Variants in C11orf65 observed in about 807,000 individuals in gnomAD.
C11orf65 encodes the protein protein MFI.
In C11orf65, 38 loss-of-function variants were observed where a neutral mutation model predicts 35.3. That is an observed-to-expected ratio of 1.08 (90% CI 0.83 to 1.41). The LOEUF (loss-of-function observed/expected upper bound fraction) is 1.41. Among genes scored for constraint, C11orf65 ranks in the 40% most tolerant of loss-of-function variants. C11orf65 has a pLI of 0.00. For missense variants in C11orf65, 370 were observed against 367.1 expected, an observed-to-expected ratio of 1.01 and a Z score of -0.06; for synonymous variants, 105 against 114.4, an observed-to-expected ratio of 0.92 and a Z score of 0.53.
intron 2 of C11orf65, among the ~76,000 whole-genome samples, chr11:108,454,414 T>G (rs917907395): frequency 1.3e-4 from 19 of 151,604 alleles, no homozygotes; most frequent in African/African-American, 4.6e-4. Context: ...TTCTCCTGCC[T>G]CAGCCTTCCG....
chr11:108,317,767 A>T (rs1338682320), intron 6 of C11orf65, among the ~76,000 whole-genome samples: 2 of 150,838 alleles, frequency 1.3e-5, no homozygotes, highest in Non-Finnish European at 3.0e-5. Flanking sequence ...AGATAGCCCT[A>T]AATCCTTCAG....
intron 3 of C11orf65, among the ~76,000 whole-genome samples, chr11:108,415,313 T>C (rs185843000): frequency 6.6e-6 from 1 of 152,222 alleles, no homozygotes; most frequent in African/African-American, 2.4e-5. Context: ...ATACCAGCAA[T>C]AAGCAACCAG....
chr11:108,467,753 T>A (rs2093557333), upstream of C11orf65, among the ~76,000 whole-genome samples: 1 of 152,156 alleles, frequency 6.6e-6, no homozygotes, highest in Admixed American at 6.5e-5. Context: ...GCTTAGTATA[T>A]AATAAAGCCC....
At chr11:108,431,670 G>T in intron 3 of C11orf65, 76 bp downstream of exon 3, 1 of 741,166 alleles carries the variant, frequency 1.3e-6, no homozygotes, top group Non-Finnish European at 2.0e-6. Context: ...CAAATATGAT[G>T]AGCACACTGA....
chr11:108,316,316 C>G (rs1024979882), intron 6 of C11orf65, among the ~76,000 whole-genome samples: 1 of 152,108 alleles, frequency 6.6e-6, no homozygotes, highest in African/African-American at 2.4e-5. Context: ...CAGGGAGACA[C>G]AGGAAAGTCA....
intron 6 of C11orf65, among the ~76,000 whole-genome samples, chr11:108,401,675 A>C (rs2092442152): frequency 6.6e-6 from 1 of 152,188 alleles, no homozygotes; most frequent in Non-Finnish European, 1.5e-5. Context: ...AAGGTAACTT[A>C]ACTCTTTGTT....
Position 108,365,335 on chromosome 11 carries a change from C to T in C11orf65, c.226+27873G>A, listed in dbSNP as rs587781698. ...TGTTTTTGTCCTTAGTGATATTGAC[C>T]AGAGTTTCAACAAAGTAGCTGAACG... On this transcript the variant is annotated intron_variant, in intron 2 of 3. Coordinates refer to the C11orf65 transcript ENST00000524755. The T allele has an allele frequency of 6.2e-7, 1 of 1,614,028 alleles. No individual in the cohort carries two copies. The highest frequency in any genetic ancestry group is 1.7e-5 in the Admixed American group (1 of 59,992).
chr11:108,390,046 C>A (rs891545374), intron 7 of C11orf65, among the ~76,000 whole-genome samples: 1 of 149,920 alleles, frequency 6.7e-6, no homozygotes, highest in African/African-American at 2.5e-5. Context: ...ATTTTTGAGA[C>A]GGAGTCTCGC....
intron 6 of C11orf65, chr11:108,321,317 G>A: frequency 6.2e-7 from 1 of 1,614,150 alleles, no homozygotes; most frequent in Non-Finnish European, 8.5e-7. Context: ...AGAAGTGGAA[G>A]AGATGTGTAA....
intron 2 of C11orf65, among the ~76,000 whole-genome samples, chr11:108,351,234 G>A (rs956741681): frequency 3.3e-5 from 5 of 152,172 alleles, no homozygotes; most frequent in East Asian, 1.9e-4. Context: ...GGATAGTGGT[G>A]ACCCTTTGAA....
chr11:108,399,151 G>GA (rs1382653164), intron 6 of C11orf65, among the ~76,000 whole-genome samples: 1 of 151,992 alleles, frequency 6.6e-6, no homozygotes, highest in African/African-American at 2.4e-5. Context: ...GGTGCCGGGG[G>GA]AAAAAATGAC....
chr11:108,320,015 G>A lies in C11orf65; in HGVS notation c.641-10944C>T, dbSNP rs1389038955. Reference sequence around the variant, plus strand: ...GTACAATGCTCTACAATCTCTAAGAGACAGAGAATTCTCTACATTTTATGA... The same window carrying A: ...GTACAATGCTCTACAATCTCTAAGAAACAGAGAATTCTCTACATTTTATGA... On this transcript the variant is annotated intron_variant, in intron 6 of 6. Coordinates refer to the C11orf65 transcript ENST00000525729. 6.2e-7 allele frequency: 1 copy of A among 1,611,782 alleles called. No homozygotes were observed. Among genetic ancestry groups the A allele is most frequent in the Non-Finnish European group, 8.5e-7 (1 of 1,178,042 alleles).
intron 2 of C11orf65, among the ~76,000 whole-genome samples, chr11:108,358,899 A>G (rs1360624302): frequency 1.3e-5 from 2 of 152,122 alleles, no homozygotes; most frequent in Admixed American, 6.6e-5. Flanking sequence ...AACGAACAAA[A>G]TCACCAGCTA....
At chr11:108,338,729 T>TA (rs1016296273) in intron 2 of C11orf65, among the ~76,000 whole-genome samples, 15 of 152,286 alleles carry the variant, frequency 9.8e-5, no homozygotes, top group African/African-American at 3.6e-4. Context: ...AATATTAAAG[T>TA]AAAACCTGTA....
At chr11:108,366,437 C>T (rs370062602) in intron 2 of C11orf65, 16 of 220,912 alleles carry the variant, frequency 7.2e-5, no homozygotes, top group African/African-American at 3.6e-4. Context: ...TTTTAAATGT[C>T]TGTACTTGAT....
At chr11:108,321,543 A>T in intron 6 of C11orf65, 10 of 1,413,160 alleles carry the variant, frequency 7.1e-6, no homozygotes, top group Non-Finnish European at 9.8e-6. Flanking sequence ...AGCACTTTAG[A>T]AGGCTGAAGT....
At position 108,354,070 on chromosome 11, in the gene C11orf65, AACACACAC is replaced by A. The variant is rs71047689; in HGVS notation, c.227-18786_227-18779del. On this transcript the variant is annotated intron_variant, in intron 2 of 3. Coordinates refer to the C11orf65 transcript ENST00000524755. ...GTATCTAAAAAAATACACACACACA[AACACACAC>A]ACACACACACACACACACACACACA... is the stretch of plus-strand genomic sequence containing the variant. 2.1e-4 allele frequency among the ~76,000 whole-genome samples: 24 copies of A among 114,948 alleles called. 1 individual carries two copies. Among genetic ancestry groups the A allele is most frequent in the East Asian group, 1.4e-3 (6 of 4,236 alleles). 75.4% of individuals were successfully genotyped at this position (114,948 alleles called of 152,430 possible). A position where few individuals can be genotyped will look rare whatever the true frequency, so the allele number is the denominator to read the frequency against.
intron 3 of C11orf65, among the ~76,000 whole-genome samples, chr11:108,412,151 G>A (rs1398037176): frequency 6.6e-6 from 1 of 151,960 alleles, no homozygotes; most frequent in Non-Finnish European, 1.5e-5. Flanking sequence ...ATTGTTTAAA[G>A]TATGCCTCAA....
intron 2 of C11orf65, among the ~76,000 whole-genome samples, chr11:108,460,849 C>A (rs1282233290): frequency 6.6e-6 from 1 of 151,982 alleles, no homozygotes; most frequent in Non-Finnish European, 1.5e-5. Flanking sequence ...CCTCAGCCTC[C>A]CGTGTAGCTG....
Sources: gnomAD v4.1 joint callset for allele counts (sites outside exome capture counted in the v4.1 genomes callset) on GRCh38, gnomAD v4.1.1 for gene constraint, MANE v1.5 for transcripts, NCBI Gene and HGNC (gene_info 2026-07-23, HGNC 2026-07-21) for gene names.